SUPT3H: variants seen among roughly 807,000 people sequenced by gnomAD.
SUPT3H encodes the protein SPT3 homolog, SAGA and STAGA complex component.
A neutral mutation model predicts 44.3 loss-of-function variants in SUPT3H; 44 were observed. The ratio of observed to expected loss-of-function variants is 0.99; its 90% CI spans 0.78 to 1.28. SUPT3H has a LOEUF of 1.28. SUPT3H is among the 50% of genes most tolerant of loss of function. The pLI is 0.00. For missense variants in SUPT3H, 380 were observed against 387.1 expected, an observed-to-expected ratio of 0.98 and a Z score of 0.15; for synonymous variants, 124 against 125.6, an observed-to-expected ratio of 0.99 and a Z score of 0.09.
intron 2 of SUPT3H, among the ~76,000 whole-genome samples, chr6:45,320,497 T>A (rs573763074): frequency 3.9e-5 from 6 of 151,974 alleles, no homozygotes; most frequent in Admixed American, 6.6e-5. Flanking sequence ...CAGGCTGGTC[T>A]CGAACTCCTG....
chr6:45,367,458 T>A (rs993165407), intron 1 of SUPT3H, among the ~76,000 whole-genome samples: 3 of 146,244 alleles, frequency 2.1e-5, no homozygotes, highest in Admixed American at 1.4e-4. Context: ...AGACTCGGAT[T>A]AAAAAAAAAA....
chr6:45,168,012 T>C (rs948368678), intron 2 of SUPT3H, among the ~76,000 whole-genome samples: 4 of 152,046 alleles, frequency 2.6e-5, no homozygotes, highest in South Asian at 2.1e-4. Flanking sequence ...GGTTTCTCTA[T>C]GTTGGTCAGG....
intron 2 of SUPT3H, among the ~76,000 whole-genome samples, chr6:45,296,887 GC>G (rs1781360049): frequency 7.1e-6 from 1 of 140,372 alleles, no homozygotes; most frequent in African/African-American, 2.7e-5. Context: ...TCATGCCACT[GC>G]ACTCTGCATT....
intron 10 of SUPT3H, among the ~76,000 whole-genome samples, chr6:44,910,742 C>G (rs1317176446): frequency 6.6e-6 from 1 of 151,080 alleles, no homozygotes; most frequent in African/African-American, 2.4e-5. Flanking sequence ...GCCTGTAACC[C>G]CAGCACTTTA....
chr6:45,332,662 G>A (rs538091180), intron 2 of SUPT3H, among the ~76,000 whole-genome samples: 2 of 151,796 alleles, frequency 1.3e-5, no homozygotes, highest in South Asian at 2.1e-4. Context: ...CATTTTATAT[G>A]AAGGATTCAC....
chr6:44,893,274 T>A (rs1043095145), intron 10 of SUPT3H, among the ~76,000 whole-genome samples: 21 of 152,326 alleles, frequency 1.4e-4, no homozygotes, highest in African/African-American at 5.1e-4. Context: ...ATGTGCACAA[T>A]GTGCAGGTTA....
chr6:45,283,959 A>C (rs1482095395), intron 2 of SUPT3H, among the ~76,000 whole-genome samples: 3 of 152,230 alleles, frequency 2.0e-5, no homozygotes, highest in Admixed American at 2.0e-4. Context: ...ATTACATGTA[A>C]ACGGAACAAC....
intron 6 of SUPT3H, among the ~76,000 whole-genome samples, chr6:44,980,354 C>A (rs1363708539): frequency 2.6e-5 from 4 of 151,094 alleles, no homozygotes; most frequent in East Asian, 1.9e-4. Context: ...TCATTTTTTT[C>A]TTTGTCCCTC....
At chr6:45,116,270 C>T (rs1470060957) in intron 2 of SUPT3H, among the ~76,000 whole-genome samples, 1 of 152,096 alleles carries the variant, frequency 6.6e-6, no homozygotes, top group African/African-American at 2.4e-5. Context: ...AACAGAAAAG[C>T]TGAAATAACA....
intron 2 of SUPT3H, among the ~76,000 whole-genome samples, chr6:45,253,659 C>G (rs1772770815): frequency 6.6e-6 from 1 of 151,490 alleles, no homozygotes; most frequent in African/African-American, 2.4e-5. Flanking sequence ...TAAGCGTGGT[C>G]ACACGTGCCT....
At chr6:45,189,481 C>CA (rs1280117605) in intron 2 of SUPT3H, among the ~76,000 whole-genome samples, 1 of 152,118 alleles carries the variant, frequency 6.6e-6, no homozygotes, top group African/African-American at 2.4e-5. Flanking sequence ...AACCAACCCT[C>CA]AAGGAAGTTC....
At chr6:45,119,581 T>A (rs1234120594) in intron 2 of SUPT3H, among the ~76,000 whole-genome samples, 2 of 152,162 alleles carry the variant, frequency 1.3e-5, no homozygotes, top group Non-Finnish European at 2.9e-5. Flanking sequence ...GCCTGTTGGA[T>A]GAGCACAGAT....
intron 10 of SUPT3H, among the ~76,000 whole-genome samples, chr6:44,928,983 A>ATGGTGTG (rs1050543631): frequency 1.3e-5 from 2 of 151,552 alleles, no homozygotes; most frequent in African/African-American, 4.9e-5. Flanking sequence ...GTGGGGACGG[A>ATGGTGTG]TGGTGTGTGT....
At chr6:44,890,770 T>TAA (rs201340918) in intron 10 of SUPT3H, among the ~76,000 whole-genome samples, 1 of 141,642 alleles carries the variant, frequency 7.1e-6, no homozygotes, top group African/African-American at 2.6e-5. Context: ...ATAATAATAA[T>TAA]AAAAAAAAAA....
chr6:45,060,562 G>A (rs1791832784), intron 3 of SUPT3H, among the ~76,000 whole-genome samples: 1 of 151,364 alleles, frequency 6.6e-6, no homozygotes, highest in African/African-American at 2.4e-5. Flanking sequence ...ACCACCAAAA[G>A]CAGCTTCAAC....
rs1801489312 is a variant in SUPT3H at position 45,120,441 on chromosome 6, A to AAAAC, written c.102-14436_102-14435insGTTT. ...CTAAAAAAAAAAAAAAAAAAAAAAA[A>AAAAC]GACTATATAAGCATATATCCAAGTT... On this transcript the variant is annotated intron_variant, in intron 2 of 10. Transcript: ENST00000371459. Among the ~76,000 whole-genome samples the AAAAC allele has an allele frequency of 3.4e-5, 5 of 145,008 alleles. No individual in the cohort carries two copies. The South Asian group carries it at 6.6e-4, about 19-fold the overall frequency.
chr6:44,927,430 AGTAATTAAAAAATGTATCAACTTTGATAT>A (rs1562061603), intron 10 of SUPT3H, among the ~76,000 whole-genome samples: 1 of 152,204 alleles, frequency 6.6e-6, no homozygotes, highest in African/African-American at 2.4e-5. Context: ...AAATAAGCCC[AGTAATTAAAAAATGTATCAACTTTGATAT>A]ATTCATCAAT....
At chr6:45,158,451 A>G (rs529574435) in intron 2 of SUPT3H, among the ~76,000 whole-genome samples, 11 of 151,708 alleles carry the variant, frequency 7.3e-5, no homozygotes, top group Middle Eastern at 3.4e-3. Flanking sequence ...ACTGGCAATA[A>G]AAGTAAATCT....
downstream of SUPT3H, among the ~76,000 whole-genome samples, chr6:44,824,104 G>A (rs951880057): frequency 1.2e-4 from 18 of 152,230 alleles, no homozygotes; most frequent in Admixed American, 1.2e-3. Flanking sequence ...GATTAGGAAC[G>A]TGGGAAGTTG....
Sources: gnomAD v4.1 joint callset for allele counts (sites outside exome capture counted in the v4.1 genomes callset) on GRCh38, gnomAD v4.1.1 for gene constraint, MANE v1.5 for transcripts, NCBI Gene and HGNC (gene_info 2026-07-23, HGNC 2026-07-21) for gene names.